Variants in TMEM126B observed in about 807,000 individuals in gnomAD.
TMEM126B encodes complex I assembly factor TMEM126B, mitochondrial.
A neutral mutation model predicts 16.5 loss-of-function variants in TMEM126B; 19 were observed. The ratio of observed to expected loss-of-function variants is 1.15; its 90% CI spans 0.80 to 1.69. TMEM126B has a LOEUF of 1.69. Ranked by LOEUF, TMEM126B falls within the 40% of genes most tolerant of loss-of-function variation. The probability of loss-of-function intolerance (pLI) is 0.00; values close to 1 mark genes in which losing one functional copy is unlikely to be tolerated. For missense variants in TMEM126B, 293 were observed against 278.7 expected (o/e 1.05, Z -0.37); for synonymous variants, 104 against 93.2 (o/e 1.12, Z -0.67).
chr11:85,632,097 T>C (rs935280471), intron 2 of TMEM126B, among the ~76,000 whole-genome samples: 2 of 152,216 alleles, frequency 1.3e-5, no homozygotes, highest in Non-Finnish European at 2.9e-5. Context: ...TAATTAAAAG[T>C]AATTAGGAGA....
chr11:85,636,025 T>C lies in TMEM126B; in HGVS notation c.510-21T>C. On this transcript the variant is annotated intron_variant, in intron 4 of 4. Transcript: ENST00000358867. ...TAGCATTCATATCCAGGAGAGGTGA[T>C]TAACTCTTTTTTCTTTTTAGGTATC... is the stretch of plus-strand genomic sequence containing the variant. 2.6e-6 allele frequency: 4 copies of C among 1,542,882 alleles called. No individual in the cohort carries two copies. The East Asian group carries it at 9.0e-5, about 35-fold the overall frequency.
chr11:85,630,556 C>G (rs2082276415), intron 1 of TMEM126B, among the ~76,000 whole-genome samples: 1 of 152,246 alleles, frequency 6.6e-6, no homozygotes, highest in Admixed American at 6.5e-5. Context: ...TTCACAGAGA[C>G]TCTAGAGTCT....
intron 1 of TMEM126B, chr11:85,631,175 A>C (rs1591449743): frequency 7.8e-7 from 1 of 1,290,312 alleles, no homozygotes; most frequent in East Asian, 5.5e-5. Context: ...AAATGAACTT[A>C]ATCTTTCATG....
At position 85,628,654 on chromosome 11, in the gene TMEM126B, G is replaced by A; in HGVS notation, c.47G>A (p.Gly16Asp). The A allele has an allele frequency of 6.5e-7, 1 of 1,536,218 alleles. No individual in the cohort carries two copies. Among genetic ancestry groups the A allele is most frequent in the African/African-American group, 1.4e-5 (1 of 73,188 alleles). The change falls in exon 1 of 5, where the codon GGT becomes GAT. Residue 16 changes from glycine (G) to aspartate (D), a missense_variant. Transcript: ENST00000358867. Reference sequence around the variant, plus strand: ...GCTGGGACTAAGCCAAGGGATTCAGGTGTGGTGCCGGTGGGAACTGAGGAA... The same window carrying A: ...GCTGGGACTAAGCCAAGGGATTCAGATGTGGTGCCGGTGGGAACTGAGGAA... ...YEAGTKPRDS[G>D]VVPVGTEEAP...
In TMEM126B at chr11:85,636,478, T is replaced by C. The variant is rs1218785122; in HGVS notation, c.*249T>C. 4.2e-6 allele frequency: 1 copy of C among 237,700 alleles called. No individual in the cohort carries two copies. The highest frequency in any genetic ancestry group is 2.2e-5 in the African/African-American group (1 of 44,910). The allele number at this position is 237,700 out of a possible 1,614,324, so 14.7% of individuals were successfully genotyped here. On this transcript the variant is annotated 3_prime_UTR_variant, in exon 5 of 5. Transcript: ENST00000358867. The stretch of plus-strand genomic sequence containing the variant: ...TGCCTGGTATATAACAGATAATAAA[T>C]ATCCAGTGTCAATAAATGTAACAAT...
intron 1 of TMEM126B, chr11:85,631,313 A>T: frequency 2.4e-6 from 3 of 1,240,286 alleles, no homozygotes; most frequent in Non-Finnish European, 2.1e-6. Context: ...CAGCAACAGT[A>T]TCAGTATGTT....
At position 85,630,921 on chromosome 11, in the gene TMEM126B, G is replaced by A. The variant is rs547814544; in HGVS notation, c.82-766G>A. ...TCTACTAAAAATACAAAAATTAGCC[G>A]GGTGTGGTGGCAGGTATGGGTCTCT... is the stretch of plus-strand genomic sequence containing the variant. On this transcript the variant is annotated intron_variant, in intron 1 of 4. Coordinates refer to ENST00000358867, the MANE Select transcript of TMEM126B (RefSeq NM_018480.7). Among the ~76,000 whole-genome samples the A allele has an allele frequency of 4.6e-5, 7 of 152,250 alleles. No homozygotes were observed. In the South Asian group the frequency reaches 6.2e-4, roughly 14 times the overall value.
Position 85,628,977 on chromosome 11 carries a change from C to A in TMEM126B, c.81+289C>A, listed in dbSNP as rs538047345. Among the ~76,000 whole-genome samples, 5 of 152,340 alleles carry A rather than the reference C, an allele frequency of 3.3e-5. No homozygotes were observed. The South Asian group carries it at 1.0e-3, about 32-fold the overall frequency. ...ATTTCCCTGCTTCTATCCGTCCCAA[C>A]TCCCCTGCCAAACTGTTCTCTTTCG... On this transcript the variant is annotated intron_variant, in intron 1 of 4. Transcript: ENST00000358867.
At chr11:85,633,365 G>A (rs2082341894) in intron 2 of TMEM126B, among the ~76,000 whole-genome samples, 2 of 152,216 alleles carry the variant, frequency 1.3e-5, no homozygotes, top group African/African-American at 4.8e-5. Context: ...CTAGATCCCT[G>A]AGGAATCGTG....
intron 3 of TMEM126B, chr11:85,634,494 G>T (rs1009159958): frequency 1.1e-5 from 5 of 453,260 alleles, no homozygotes; most frequent in Non-Finnish European, 1.9e-5. Context: ...AACCCAAACT[G>T]AGGCATGTTC....
In TMEM126B at chr11:85,636,036, T is replaced by G. The variant is rs768994409; in HGVS notation, c.510-10T>G. 1.3e-6 allele frequency: 2 copies of G among 1,564,706 alleles called. No individual in the cohort carries two copies. Among genetic ancestry groups the G allele is most frequent in the Non-Finnish European group, 1.7e-6 (2 of 1,162,150 alleles). On this transcript the variant is annotated splice_polypyrimidine_tract_variant and intron_variant, in intron 4 of 4. Transcript: ENST00000358867. ...TCCAGGAGAGGTGATTAACTCTTTT[T>G]TCTTTTTAGGTATCATACCGTTCCA...
intron 1 of TMEM126B, among the ~76,000 whole-genome samples, chr11:85,629,606 A>C (rs2082221653): frequency 1.3e-5 from 2 of 152,264 alleles, no homozygotes; most frequent in African/African-American, 4.8e-5. Flanking sequence ...ATTGCCTGGA[A>C]GTTTGTTTTG....
At chr11:85,632,948 C>T (rs1175185582) in intron 2 of TMEM126B, among the ~76,000 whole-genome samples, 2 of 152,080 alleles carry the variant, frequency 1.3e-5, no homozygotes, top group Admixed American at 6.6e-5. Flanking sequence ...GCTATCCCTC[C>T]CCTCTCCTCC....
At chr11:85,629,224 T>C (rs1283148632) in intron 1 of TMEM126B, 1 of 1,289,544 alleles carries the variant, frequency 7.8e-7, no homozygotes, top group Admixed American at 2.3e-5. Flanking sequence ...TACCACGTGC[T>C]CCCTAAATTA....
At position 85,631,709 on chromosome 11, in the gene TMEM126B, T is replaced by C. The variant is rs972902224; in HGVS notation, c.104T>C (p.Met35Thr). 2 of 1,612,962 alleles carry C rather than the reference T, an allele frequency of 1.2e-6. No individual in the cohort carries two copies. The highest frequency in any genetic ancestry group is 1.7e-6 in the Non-Finnish European group (2 of 1,179,690). The change falls in exon 2 of 5, where the codon ATG becomes ACG. Residue 35 changes from methionine to threonine, a missense_variant. Met to Thr is a moderately conservative substitution (Grantham distance 81). Transcript: ENST00000358867. ...APKVFKMAAS[M>T]HGQPSPSLED... The stretch of plus-strand genomic sequence containing the variant: ...CAGGTTTTCAAGATGGCAGCATCTA[T>C]GCATGGTCAGCCCAGTCCTTCTCTA...
At chr11:85,628,761 G>T in intron 1 of TMEM126B, 73 bp downstream of exon 1, 1 of 1,409,588 alleles carries the variant, frequency 7.1e-7, no homozygotes, top group Non-Finnish European at 9.7e-7. Context: ...CTTCTAAGAT[G>T]ATACCTTTAA....
chr11:85,636,379 T>C lies in TMEM126B; in HGVS notation c.*150T>C. On this transcript the variant is annotated 3_prime_UTR_variant, in exon 5 of 5. Coordinates refer to ENST00000358867, the MANE Select transcript of TMEM126B (RefSeq NM_018480.7). ...TAGCAAATACTCAAAAAGTATTCAATAATTCAATCAATAAATATAAGTTTC... is the reference window on the plus strand; with the variant it reads ...TAGCAAATACTCAAAAAGTATTCAACAATTCAATCAATAAATATAAGTTTC... 1 of 468,840 alleles carries C rather than the reference T, an allele frequency of 2.1e-6. No homozygotes were observed. The highest frequency in any genetic ancestry group is 3.6e-6 in the Non-Finnish European group (1 of 277,386). The allele number at this position is 468,840 out of a possible 1,614,324, so 29.0% of individuals were successfully genotyped here.
chr11:85,629,755 G>A (rs895688231), intron 1 of TMEM126B, among the ~76,000 whole-genome samples: 2 of 152,152 alleles, frequency 1.3e-5, no homozygotes, highest in African/African-American at 2.4e-5. Context: ...GATGGGTTAG[G>A]TATAGAATCT....
chr11:85,634,317 C>A, intron 3 of TMEM126B, 38 bp downstream of exon 3: 3 of 1,457,076 alleles, frequency 2.1e-6, no homozygotes, highest in South Asian at 1.2e-5. Context: ...GTAGTTATGT[C>A]TAAGTAAAGT....
Sources: gnomAD v4.1 joint callset for allele counts (sites outside exome capture counted in the v4.1 genomes callset) on GRCh38, gnomAD v4.1.1 for gene constraint, MANE v1.5 for transcripts, NCBI Gene and HGNC (gene_info 2026-07-23, HGNC 2026-07-21) for gene names.